Variants in NOS1AP observed in about 807,000 individuals in gnomAD.
NOS1AP encodes carboxyl-terminal PDZ ligand of neuronal nitric oxide synthase protein.
A neutral mutation model predicts 56.2 loss-of-function variants in NOS1AP; 21 were observed. That is an observed-to-expected ratio of 0.37 (90% CI 0.26 to 0.54). NOS1AP has a LOEUF of 0.54. Among genes scored for constraint, NOS1AP ranks in the 20% least tolerant of loss-of-function variants. The pLI, the probability that NOS1AP is intolerant of heterozygous loss-of-function variation, is 0.84. For missense variants in NOS1AP, 522 were observed against 657.8 expected (o/e 0.79, Z 2.26); for synonymous variants, 270 against 274.6 (o/e 0.98, Z 0.17).
chr1:162,114,820 C>T (rs1038961344), intron 1 of NOS1AP, among the ~76,000 whole-genome samples: 1 of 152,132 alleles, frequency 6.6e-6, no homozygotes, highest in African/African-American at 2.4e-5. Flanking sequence ...CTTAAGTCAT[C>T]GTTTGCGTCT....
intron 9 of NOS1AP, 154 bp from the exon 10 acceptor site, chr1:162,366,898 A>G: frequency 1.2e-6 from 1 of 808,156 alleles, no homozygotes; most frequent in Non-Finnish European, 2.2e-6. Flanking sequence ...GGCGGGAGGA[A>G]GGGTGAAGTG....
intron 4 of NOS1AP, among the ~76,000 whole-genome samples, chr1:162,325,343 CTG>C (rs758330308): frequency 7.2e-5 from 11 of 152,168 alleles, no homozygotes; most frequent in Admixed American, 1.3e-4. Context: ...GAGTGTGAAA[CTG>C]TGTTCATGCT....
At chr1:162,161,530 A>G (rs537141482) in intron 2 of NOS1AP, among the ~76,000 whole-genome samples, 2 of 152,364 alleles carry the variant, frequency 1.3e-5, no homozygotes, top group Admixed American at 6.5e-5. Flanking sequence ...ACATGAATGC[A>G]TGCAGCATAC....
intron 1 of NOS1AP, among the ~76,000 whole-genome samples, chr1:162,074,875 G>T (rs1321617902): frequency 6.6e-6 from 1 of 152,182 alleles, no homozygotes; most frequent in Non-Finnish European, 1.5e-5. Flanking sequence ...CTCACAGCAT[G>T]GTGGCCCTTT....
At chr1:162,131,915 T>G (rs1422601482) in intron 1 of NOS1AP, among the ~76,000 whole-genome samples, 1 of 152,256 alleles carries the variant, frequency 6.6e-6, no homozygotes, top group East Asian at 1.9e-4. Flanking sequence ...GCCTCTTAAC[T>G]GTGAAACAGA....
intron 5 of NOS1AP, among the ~76,000 whole-genome samples, chr1:162,333,337 T>A (rs1656836785): frequency 6.6e-6 from 1 of 152,228 alleles, no homozygotes; most frequent in East Asian, 1.9e-4. Context: ...GCAAAGGGAT[T>A]GACCGTTGAC....
intron 2 of NOS1AP, among the ~76,000 whole-genome samples, chr1:162,171,306 C>T (rs938710628): frequency 1.3e-5 from 2 of 152,120 alleles, no homozygotes; most frequent in African/African-American, 4.8e-5. Flanking sequence ...GAATTCAGGT[C>T]GTTTGTTCTT....
intron 2 of NOS1AP, among the ~76,000 whole-genome samples, chr1:162,177,696 A>C (rs1472486087): frequency 1.3e-5 from 2 of 152,214 alleles, no homozygotes; most frequent in Non-Finnish European, 2.9e-5. Context: ...AGTAGTAAAC[A>C]TTATTTTTAG....
At position 162,327,880 on chromosome 1, in the gene NOS1AP, C is replaced by T. The variant is rs61075487; in HGVS notation, c.345-5137C>T. On this transcript the variant is annotated intron_variant, in intron 4 of 9. Transcript: ENST00000361897. ...CGGAAAAAGTTAAGAGAAGATGGAACTCATATTTATTGAGCAAGCAACTTA... is the reference window on the plus strand; with the variant it reads ...CGGAAAAAGTTAAGAGAAGATGGAATTCATATTTATTGAGCAAGCAACTTA... Among the ~76,000 whole-genome samples, 514 of 152,286 alleles carry T rather than the reference C, an allele frequency of 3.4e-3. 3 individuals carry two copies. The highest frequency in any genetic ancestry group is 0.011 in the African/African-American group (477 of 41,548).
intron 2 of NOS1AP, among the ~76,000 whole-genome samples, chr1:162,161,908 A>G (rs748001954): frequency 5.9e-5 from 9 of 152,258 alleles, no homozygotes; most frequent in Non-Finnish European, 1.3e-4. Context: ...TTATTATTAA[A>G]TACATGAATT....
At chr1:162,264,449 T>TC (rs1318681436) in intron 2 of NOS1AP, among the ~76,000 whole-genome samples, 10,356 of 30,090 alleles carry the variant, frequency 0.34, 1,233 homozygotes, top group Non-Finnish European at 0.43. Flanking sequence ...TCTTCTCTTC[T>TC]CTTCTCTTCT....
In NOS1AP at chr1:162,107,282, A is replaced by G. The variant is rs77360593; in HGVS notation, c.105+37000A>G. Among the ~76,000 whole-genome samples the G allele has an allele frequency of 8.6e-3, 1,307 of 152,288 alleles. 25 individuals are homozygous for G. Among genetic ancestry groups the G allele is most frequent in the African/African-American group, 0.03 (1,267 of 41,568 alleles). ...GGAGGGAAAGGAATAAAACCTAACC[A>G]TTTCTGAATATACTTTGTTTTCTTG... On this transcript the variant is annotated intron_variant, in intron 1 of 9. Coordinates refer to ENST00000361897, the MANE Select transcript of NOS1AP (RefSeq NM_014697.3).
At chr1:162,109,022 A>T (rs1647616207) in intron 1 of NOS1AP, among the ~76,000 whole-genome samples, 1 of 152,242 alleles carries the variant, frequency 6.6e-6, no homozygotes, top group African/African-American at 2.4e-5. Context: ...AAGCAAAGGC[A>T]CATCTTCTAT....
At chr1:162,133,628 A>G (rs1387425313) in intron 1 of NOS1AP, among the ~76,000 whole-genome samples, 3 of 152,206 alleles carry the variant, frequency 2.0e-5, no homozygotes, top group Non-Finnish European at 2.9e-5. Flanking sequence ...TGAGTGACTC[A>G]TATGTGGTTA....
chr1:162,284,617 C>T (rs1055605898), intron 2 of NOS1AP, among the ~76,000 whole-genome samples: 1 of 152,154 alleles, frequency 6.6e-6, no homozygotes, highest in African/African-American at 2.4e-5. Flanking sequence ...CCTGTAAGAG[C>T]CATTGGGAAC....
chr1:162,320,724 C>T (rs1221268892), intron 4 of NOS1AP, among the ~76,000 whole-genome samples: 2 of 151,954 alleles, frequency 1.3e-5, no homozygotes, highest in Admixed American at 6.6e-5. Flanking sequence ...CGTGGTGGCG[C>T]GCGCCTGTAG....
intron 2 of NOS1AP, among the ~76,000 whole-genome samples, chr1:162,202,210 G>A (rs899481398): frequency 1.3e-5 from 2 of 152,076 alleles, no homozygotes; most frequent in African/African-American, 4.8e-5. Flanking sequence ...GGATGGGGTA[G>A]CTTTACTGAG....
At chr1:162,155,103 G>T (rs1193204841) in intron 2 of NOS1AP, among the ~76,000 whole-genome samples, 1 of 151,648 alleles carries the variant, frequency 6.6e-6, no homozygotes, top group Non-Finnish European at 1.5e-5. Flanking sequence ...GCTTGATTAG[G>T]GTATTCGAGG....
At chr1:162,243,274 C>T (rs1403855484) in intron 2 of NOS1AP, among the ~76,000 whole-genome samples, 1 of 152,144 alleles carries the variant, frequency 6.6e-6, no homozygotes, top group Non-Finnish European at 1.5e-5. Flanking sequence ...TCCCATCAAG[C>T]ACTGGCTAGA....
Sources: allele counts gnomAD v4.1 joint callset (sites outside exome capture counted in the v4.1 genomes callset), GRCh38; gene constraint gnomAD v4.1.1; transcripts MANE v1.5; gene names NCBI Gene and HGNC (gene_info 2026-07-23, HGNC 2026-07-21).